The following SETMAR variants were observed in gnomAD, a reference collection of about 807,000 sequenced individuals.
SETMAR encodes the protein histone-lysine N-methyltransferase SETMAR.
SETMAR carries 44 observed loss-of-function variants against 58.4 expected under a neutral mutation model. The ratio of observed to expected loss-of-function variants is 0.75; its 90% CI spans 0.59 to 0.97. The LOEUF (loss-of-function observed/expected upper bound fraction) is 0.97, where lower values mean the gene tolerates loss of function less well. Among genes scored for constraint, SETMAR ranks in the 50% least tolerant of loss-of-function variants. The pLI is 0.00. For missense variants in SETMAR, 903 were observed against 840.2 expected (o/e 1.07, Z -0.92); for synonymous variants, 332 against 307.4 (o/e 1.08, Z -0.84).
At chr3:4,308,300 C>T (rs1019557854) in intron 1 of SETMAR, among the ~76,000 whole-genome samples, 1 of 152,158 alleles carries the variant, frequency 6.6e-6, no homozygotes, top group African/African-American at 2.4e-5. Context: ...CTATGCACTA[C>T]CTGCAAAATT....
chr3:4,310,613 A>G (rs191744913), intron 1 of SETMAR, among the ~76,000 whole-genome samples: 1 of 152,358 alleles, frequency 6.6e-6, no homozygotes, highest in East Asian at 1.9e-4. Context: ...CTGAAGGATT[A>G]TAGCTTGTGC....
At position 4,316,446 on chromosome 3, in the gene SETMAR, G is replaced by A. The variant is rs781159292; in HGVS notation, c.1255G>A (p.Ala419Thr). ...AGAAGTTGACAACGACCAGTTGAGA[G>A]CAATCATCGAAGCTGATCCCCTTAC... Reference protein sequence around the residue: ...PSEVDNDQLRAIIEADPLTTT... With the variant: ...PSEVDNDQLRTIIEADPLTTT... The change falls in exon 3 of 3, where the codon GCA (alanine) becomes ACA (threonine). Residue 419 changes from alanine to threonine, a missense_variant. Coordinates refer to ENST00000358065, the MANE Select transcript of SETMAR (RefSeq NM_006515.4). 1.2e-6 allele frequency: 2 copies of A among 1,601,304 alleles called. No homozygotes were observed. The highest frequency in any genetic ancestry group is 2.3e-5 in the East Asian group (1 of 44,344).
At chr3:4,304,045 C>A (rs952578511) in intron 1 of SETMAR, 2 of 214,246 alleles carry the variant, frequency 9.3e-6, no homozygotes, top group Non-Finnish European at 1.9e-5. Flanking sequence ...ACCTCTCTTC[C>A]GGAGTGCTTT....
intron 1 of SETMAR, 88 bp downstream of exon 1, chr3:4,303,614 G>C (rs1200697808): frequency 7.2e-7 from 1 of 1,381,600 alleles, no homozygotes. Flanking sequence ...CGGCCTCCCA[G>C]TCGCGACCTT....
At chr3:4,303,667 T>C in intron 1 of SETMAR, 141 bp downstream of exon 1, 1 of 1,479,678 alleles carries the variant, frequency 6.8e-7, no homozygotes. Flanking sequence ...CGGGAATAGG[T>C]GTGCATGCCC....
chr3:4,313,297 AC>A lies in SETMAR; in HGVS notation c.557del (p.Thr186LysfsTer9). ...AGTTCAGAGAAGAATTCACTTACAA[AC>A]AAAATCCGACTCCAATTACATTATA... ...SEVQRRIHLQ[T>X]KSDSNYIIAI... On this transcript the variant is annotated frameshift_variant, in exon 2 of 3. Coordinates refer to ENST00000358065, the MANE Select transcript of SETMAR (RefSeq NM_006515.4). LOFTEE classifies it high-confidence loss of function. 1.2e-6 allele frequency: 2 copies of A among 1,613,994 alleles called. No individual in the cohort carries two copies. Among genetic ancestry groups the A allele is most frequent in the Non-Finnish European group, 8.5e-7 (1 of 1,179,966 alleles).
At chr3:4,308,188 A>G (rs2125083144) in intron 1 of SETMAR, among the ~76,000 whole-genome samples, 1 of 152,332 alleles carries the variant, frequency 6.6e-6, no homozygotes, top group East Asian at 1.9e-4. Flanking sequence ...GAAGTAATGG[A>G]GGAAAGGTAT....
chr3:4,303,946 C>A, intron 1 of SETMAR: 3 of 1,037,574 alleles, frequency 2.9e-6, no homozygotes, highest in Non-Finnish European at 3.8e-6. Flanking sequence ...TCAGCCTTAG[C>A]TGTGGTCTCC....
At chr3:4,308,026 TAAA>T (rs569000119) in intron 1 of SETMAR, among the ~76,000 whole-genome samples, 2 of 147,224 alleles carry the variant, frequency 1.4e-5, no homozygotes, top group Non-Finnish European at 3.0e-5. Flanking sequence ...AGCAACGTCT[TAAA>T]AAAAAAAAAT....
intron 1 of SETMAR, among the ~76,000 whole-genome samples, chr3:4,307,477 G>A (rs1336091426): frequency 6.6e-6 from 1 of 152,166 alleles, no homozygotes; most frequent in Non-Finnish European, 1.5e-5. Flanking sequence ...AGACCCTGAA[G>A]TTCATGCTAT....
chr3:4,312,897 G>T lies in SETMAR; in HGVS notation c.157-1G>T, dbSNP rs142644220. ...ACTTACAGTGTGTATATTTTTTACA[G>T]TACACTCCTGATCATGTAGTTGGAC... On this transcript the variant is annotated splice_acceptor_variant, in intron 1 of 2. Coordinates refer to ENST00000358065, the MANE Select transcript of SETMAR (RefSeq NM_006515.4). LOFTEE classifies it high-confidence loss of function. The T allele has an allele frequency of 1.5e-5, 24 of 1,607,130 alleles. No homozygotes were observed. The African/African-American group carries it at 3.2e-4, about 21-fold the overall frequency.
At chr3:4,309,344 G>T (rs1341970046) in intron 1 of SETMAR, among the ~76,000 whole-genome samples, 1 of 152,164 alleles carries the variant, frequency 6.6e-6, no homozygotes, top group African/African-American at 2.4e-5. Flanking sequence ...GCTTTGGAAT[G>T]CCCTTGCTGA....
intron 1 of SETMAR, among the ~76,000 whole-genome samples, chr3:4,311,668 G>A (rs1342929801): frequency 1.3e-5 from 2 of 152,222 alleles, no homozygotes; most frequent in Non-Finnish European, 2.9e-5. Flanking sequence ...CTCAGGCAGA[G>A]CCAAATATCC....
chr3:4,307,448 C>T (rs191182281), intron 1 of SETMAR, among the ~76,000 whole-genome samples: 2 of 152,224 alleles, frequency 1.3e-5, no homozygotes, highest in East Asian at 1.9e-4. Flanking sequence ...ATTAGAGAGC[C>T]CTACAATCTG....
intron 2 of SETMAR, among the ~76,000 whole-genome samples, chr3:4,315,133 A>G (rs1015421251): frequency 3.9e-5 from 6 of 152,198 alleles, no homozygotes; most frequent in African/African-American, 7.2e-5. Flanking sequence ...ACAAATACAT[A>G]GTATCAAAAA....
chr3:4,312,271 G>A (rs61187430), intron 1 of SETMAR, among the ~76,000 whole-genome samples: 6,590 of 152,076 alleles, frequency 0.043, 467 homozygotes, highest in African/African-American at 0.15. Context: ...AAAGGTAAAA[G>A]AGATCAAAAG....
chr3:4,311,575 G>A (rs73806999), intron 1 of SETMAR, among the ~76,000 whole-genome samples: 121 of 152,284 alleles, frequency 7.9e-4, no homozygotes, highest in African/African-American at 2.8e-3. Context: ...AAAAGTCAAT[G>A]CCACTTCTGA....
chr3:4,310,725 G>A (rs955831530), intron 1 of SETMAR, among the ~76,000 whole-genome samples: 18 of 152,026 alleles, frequency 1.2e-4, no homozygotes, highest in African/African-American at 3.9e-4. Flanking sequence ...TTTTTCACCT[G>A]CTTTCCTGAT....
chr3:4,304,034 T>C, intron 1 of SETMAR: 1 of 241,224 alleles, frequency 4.1e-6, no homozygotes, highest in Non-Finnish European at 8.3e-6. Flanking sequence ...AGTGGAACAG[T>C]ACCTCTCTTC....
Sources: allele counts gnomAD v4.1 joint callset (sites outside exome capture counted in the v4.1 genomes callset), GRCh38; gene constraint gnomAD v4.1.1; transcripts MANE v1.5; gene names NCBI Gene and HGNC (gene_info 2026-07-23, HGNC 2026-07-21).